The following MPHOSPH8 variants were observed in gnomAD, a reference collection of about 807,000 sequenced individuals.
The protein encoded by MPHOSPH8 is M-phase phosphoprotein 8.
In MPHOSPH8, 45 loss-of-function variants were observed where a neutral mutation model predicts 87.3. That is an observed-to-expected ratio of 0.52 (90% CI 0.41 to 0.66). MPHOSPH8 has a LOEUF of 0.66. Ranked by LOEUF, MPHOSPH8 falls within the 30% of genes least tolerant of loss-of-function variation. MPHOSPH8 has a pLI of 0.00. For missense variants in MPHOSPH8, 883 were observed against 1,020.2 expected, an observed-to-expected ratio of 0.87 and a Z score of 1.83; for synonymous variants, 366 against 376.9, an observed-to-expected ratio of 0.97 and a Z score of 0.33.
intron 10 of MPHOSPH8, among the ~76,000 whole-genome samples, chr13:19,668,080 T>C (rs1260405171): frequency 6.6e-6 from 1 of 152,206 alleles, no homozygotes. Flanking sequence ...ACTGATTCAT[T>C]AGACAACTAT....
At chr13:19,641,246 C>T (rs1874271154) in intron 1 of MPHOSPH8, among the ~76,000 whole-genome samples, 1 of 152,024 alleles carries the variant, frequency 6.6e-6, no homozygotes, top group Admixed American at 6.6e-5. Flanking sequence ...CCTCTGCCTC[C>T]TGGGCTTAAG....
rs1014225523 is a variant in MPHOSPH8 at position 19,670,225 on chromosome 13, C to T, written c.2330-11C>T. On this transcript the variant is annotated splice_polypyrimidine_tract_variant and intron_variant, in intron 11 of 13. Transcript: ENST00000361479. ...CCTTTGAAGTAATTCACACACATCT[C>T]CCATTTTCAGGCTCTGGCATCCTGC... 1.9e-6 allele frequency: 3 copies of T among 1,613,866 alleles called. No homozygotes were observed. Among genetic ancestry groups the T allele is most frequent in the Non-Finnish European group, 2.5e-6 (3 of 1,179,914 alleles).
intron 2 of MPHOSPH8, among the ~76,000 whole-genome samples, chr13:19,642,662 A>C (rs926129440): frequency 4.6e-5 from 7 of 151,940 alleles, no homozygotes; most frequent in Non-Finnish European, 1.0e-4. Flanking sequence ...AGTTAAAACA[A>C]ATTATCTGGT....
At chr13:19,636,668 G>T (rs1212457275) in intron 1 of MPHOSPH8, among the ~76,000 whole-genome samples, 1 of 151,918 alleles carries the variant, frequency 6.6e-6, no homozygotes, top group East Asian at 1.9e-4. Context: ...TAGAGATGGG[G>T]TCTCCCTACG....
intron 10 of MPHOSPH8, 59 bp from the exon 11 acceptor site, chr13:19,668,318 C>A (rs772277669): frequency 9.3e-6 from 14 of 1,511,992 alleles, no homozygotes; most frequent in Non-Finnish European, 1.2e-5. Context: ...CACTGGTATT[C>A]GACAGGCTTG....
chr13:19,659,066 A>C lies in MPHOSPH8; in HGVS notation c.1648A>C (p.Lys550Gln). Residue 550 changes from lysine (K) to glutamine (Q), a missense_variant, in exon 6 of 14, where the codon AAG (lysine) becomes CAG (glutamine). Physicochemically the swap from Lys to Gln is moderately conservative, Grantham distance 53. Transcript: ENST00000361479. Reference protein sequence around the residue: ...LEWMKLEDFQKHLDGKDENFA... With the variant: ...LEWMKLEDFQQHLDGKDENFA... The stretch of plus-strand genomic sequence containing the variant: ...ATGGATGAAGTTGGAAGATTTCCAA[A>C]AGCACCTTGATGGGAAAGATGAGAA... 6.2e-7 allele frequency: 1 copy of C among 1,614,184 alleles called. No individual in the cohort carries two copies. The highest frequency in any genetic ancestry group is 8.5e-7 in the Non-Finnish European group (1 of 1,180,012).
chr13:19,634,617 G>T (rs753579258), intron 1 of MPHOSPH8, among the ~76,000 whole-genome samples: 2 of 152,136 alleles, frequency 1.3e-5, no homozygotes, highest in African/African-American at 2.4e-5. Context: ...AGGCCTCGGG[G>T]TGTAGCTCTC....
chr13:19,656,773 TAAAAAC>T (rs940558204), intron 5 of MPHOSPH8, among the ~76,000 whole-genome samples: 11 of 150,094 alleles, frequency 7.3e-5, no homozygotes, highest in African/African-American at 2.7e-4. Flanking sequence ...AAATAAAAAA[TAAAAAC>T]ATACAGTTTT....
At chr13:19,657,068 G>C (rs548243551) in intron 5 of MPHOSPH8, among the ~76,000 whole-genome samples, 1 of 134,460 alleles carries the variant, frequency 7.4e-6, no homozygotes, top group East Asian at 2.4e-4. Flanking sequence ...GTTGCAGTGA[G>C]CTGAGATAGT....
chr13:19,649,999 T>A lies in MPHOSPH8; in HGVS notation c.1319-4T>A, dbSNP rs2137516093. Reference sequence around the variant, plus strand: ...TTAACCATCTATTTTAATTTTTTCGTTAGCACTTAAGGAAATCAGAAATGC... The same window carrying A: ...TTAACCATCTATTTTAATTTTTTCGATAGCACTTAAGGAAATCAGAAATGC... On this transcript the variant is annotated splice_region_variant and splice_polypyrimidine_tract_variant and intron_variant, in intron 4 of 13. Coordinates refer to ENST00000361479, the MANE Select transcript of MPHOSPH8 (RefSeq NM_017520.4). The A allele has an allele frequency of 1.3e-6, 2 of 1,563,126 alleles. No homozygotes were observed. The highest frequency in any genetic ancestry group is 4.5e-5 in the East Asian group (2 of 44,506).
Position 19,647,127 on chromosome 13 carries a change from G to A in MPHOSPH8, c.1054G>A (p.Ala352Thr), listed in dbSNP as rs146349999. The A allele has an allele frequency of 4.5e-5, 73 of 1,613,994 alleles. No homozygotes were observed. In the African/African-American group the frequency reaches 8.8e-4, roughly 19 times the overall value. Residue 352 changes from alanine to threonine, a missense_variant, in exon 3 of 14, where the codon GCT becomes ACT. Physicochemically the swap from Ala to Thr is moderately conservative, Grantham distance 58. Around this residue, in one of 3 missense-constraint regions of MPHOSPH8, gnomAD observed 741 missense variants for 841.5 expected, o/e 0.88. Transcript: ENST00000361479. ...GAACAGGAAGCTAGAGAACAAGAAC[G>A]CTTTCTTAGAGAAGAAAACTGTGCC... ...RENRKLENKN[A>T]FLEKKTVPKK...
Position 19,671,466 on chromosome 13 carries a change from A to AATGCGGC in MPHOSPH8, c.2541+179_2541+185dup, listed in dbSNP as rs201292132. The stretch of plus-strand genomic sequence containing the variant: ...CAGTTTACAATGTGTTAGACATAAT[A>AATGCGGC]ATGCGGCAGGAAAAGAACTAGGTTG... On this transcript the variant is annotated intron_variant, in intron 13 of 13. Transcript: ENST00000361479. 8.5e-3 allele frequency among the ~76,000 whole-genome samples: 1,296 copies of AATGCGGC among 152,288 alleles called. 18 individuals carry two copies. The highest frequency in any genetic ancestry group is 0.029 in the African/African-American group (1,214 of 41,546).
chr13:19,671,785 A>G, intron 13 of MPHOSPH8, 49 bp from the exon 14 acceptor site: 1 of 1,578,656 alleles, frequency 6.3e-7, no homozygotes, highest in Non-Finnish European at 8.7e-7. Flanking sequence ...CTTGTAAGAA[A>G]GGGGAAATCT....
intron 5 of MPHOSPH8, among the ~76,000 whole-genome samples, chr13:19,652,774 G>A (rs779210039): frequency 3.9e-5 from 6 of 152,116 alleles, no homozygotes; most frequent in African/African-American, 7.2e-5. Context: ...GCTGAGGCTC[G>A]AGTAGGTCGT....
At chr13:19,655,426 C>T (rs952337177) in intron 5 of MPHOSPH8, among the ~76,000 whole-genome samples, 1 of 152,190 alleles carries the variant, frequency 6.6e-6, no homozygotes, top group African/African-American at 2.4e-5. Flanking sequence ...CATGATAACA[C>T]CACTGTACTC....
At chr13:19,649,961 T>C (rs374156081) in intron 4 of MPHOSPH8, 42 bp from the exon 5 acceptor site, 1 of 1,449,330 alleles carries the variant, frequency 6.9e-7, no homozygotes, top group Non-Finnish European at 9.3e-7. Flanking sequence ...TAACAGAAAT[T>C]TGTGACTCAT....
intron 1 of MPHOSPH8, among the ~76,000 whole-genome samples, chr13:19,640,096 A>T (rs1874210536): frequency 1.7e-5 from 2 of 115,690 alleles, no homozygotes; most frequent in Non-Finnish European, 3.7e-5. Context: ...ACCCTGTCTT[A>T]AAAAAAAAAC....
At chr13:19,638,373 G>C (rs1874111529) in intron 1 of MPHOSPH8, among the ~76,000 whole-genome samples, 1 of 152,042 alleles carries the variant, frequency 6.6e-6, no homozygotes, top group Non-Finnish European at 1.5e-5. Context: ...CCAGCACTTT[G>C]GGAAGCCGAG....
At chr13:19,642,045 T>TTG in intron 1 of MPHOSPH8, 70 bp from the exon 2 acceptor site, 1 of 1,067,506 alleles carries the variant, frequency 9.4e-7, no homozygotes, top group South Asian at 3.4e-5. Context: ...CATCAGTTTT[T>TTG]TTTTTTTTTT....
Sources: allele counts gnomAD v4.1 joint callset (sites outside exome capture counted in the v4.1 genomes callset), GRCh38; gene constraint gnomAD v4.1.1; regional missense constraint gnomAD v4.1.1; transcripts MANE v1.5; gene names NCBI Gene and HGNC (gene_info 2026-07-23, HGNC 2026-07-21).